The following PLCH2 variants were observed in gnomAD, a reference collection of about 807,000 sequenced individuals.
The protein encoded by PLCH2 is 1-phosphatidylinositol 4,5-bisphosphate phosphodiesterase eta-2.
PLCH2 carries 98 observed loss-of-function variants against 134.7 expected under a neutral mutation model. The observed-to-expected ratio is 0.73, with a 90% CI of 0.62 to 0.86. PLCH2 has a LOEUF of 0.86. PLCH2 is among the 40% of genes least tolerant of loss of function. PLCH2 has a pLI of 0.00. For missense variants in PLCH2, 1,994 were observed against 1,986.6 expected, an observed-to-expected ratio of 1.00 and a Z score of -0.07; for synonymous variants, 974 against 827.5, an observed-to-expected ratio of 1.18 and a Z score of -3.04.
upstream of PLCH2, among the ~76,000 whole-genome samples, chr1:2,424,793 C>T (rs924081984): frequency 1.8e-4 from 28 of 152,296 alleles, no homozygotes; most frequent in East Asian, 5.8e-4. Context: ...CGAGACCATC[C>T]TGGCTAACAC....
upstream of PLCH2, among the ~76,000 whole-genome samples, chr1:2,464,414 T>G (rs1477600506): frequency 1.3e-5 from 2 of 152,252 alleles, no homozygotes; most frequent in East Asian, 3.8e-4. Context: ...CCCCTGGGCA[T>G]GCACACGAGT....
chr1:2,480,179 C>G lies in PLCH2; in HGVS notation c.516-4C>G, dbSNP rs1430815452. ...TCGCTGTTGGCCCCTAACTCGGCAC[C>G]AAAGTGGCTGAAGCAGACGTTTGAC... On this transcript the variant is annotated splice_polypyrimidine_tract_variant and splice_region_variant and intron_variant, in intron 3 of 21. Coordinates refer to ENST00000378486, the MANE Select transcript of PLCH2 (RefSeq NM_014638.4). 3.1e-6 allele frequency: 5 copies of G among 1,612,802 alleles called. No homozygotes were observed. The South Asian group carries it at 5.5e-5, about 18-fold the overall frequency.
At chr1:2,416,136 G>A in the PLCH2 span, among the ~76,000 whole-genome samples, 3 of 152,204 alleles carry the variant, frequency 2.0e-5, no homozygotes, top group African/African-American at 7.2e-5. Flanking sequence ...CCGGAACAGG[G>A]GACTGCTGTG....
chr1:2,434,124 T>C (rs1295009339), intron 2 of PLCH2, among the ~76,000 whole-genome samples: 1 of 152,244 alleles, frequency 6.6e-6, no homozygotes, highest in African/African-American at 2.4e-5. Context: ...TGGCGTTTGA[T>C]GTATGTGCAC....
rs1476100432 is a variant in PLCH2, at chr1:2,497,015, G to A, written c.2116+5G>A. ...GGAACGCCGGCTGCCAAATGGGTGGGTGCGGGCATGGTGCGCTGGGTGTGG... is the reference window on the plus strand; with the variant it reads ...GGAACGCCGGCTGCCAAATGGGTGGATGCGGGCATGGTGCGCTGGGTGTGG... On this transcript the variant is annotated splice_donor_5th_base_variant and intron_variant, in intron 15 of 21. Transcript: ENST00000378486. 2 of 1,611,472 alleles carry A rather than the reference G, an allele frequency of 1.2e-6. No individual in the cohort carries two copies. The highest frequency in any genetic ancestry group is 1.7e-6 in the Non-Finnish European group (2 of 1,179,104).
chr1:2,463,750 C>A (rs557899087), upstream of PLCH2, among the ~76,000 whole-genome samples: 1 of 152,362 alleles, frequency 6.6e-6, no homozygotes, highest in East Asian at 1.9e-4. Context: ...CCCCGCCAGA[C>A]CGCACTGAAG....
chr1:2,490,013 T>TG (rs1393632514), intron 10 of PLCH2, 146 bp downstream of exon 10: 3 of 648,862 alleles, frequency 4.6e-6, no homozygotes, highest in African/African-American at 3.6e-5. Context: ...GCCTGGGGCC[T>TG]GGGGGGTCCT....
chr1:2,445,652 A>G (rs1639907033), intron 2 of PLCH2, among the ~76,000 whole-genome samples: 4 of 151,942 alleles, frequency 2.6e-5, no homozygotes, highest in Admixed American at 2.6e-4. Flanking sequence ...GGGGGGAGGC[A>G]GAGGAGCTGG....
chr1:2,430,505 C>G (rs1358782720), exon 2 of PLCH2: 1 of 152,198 alleles, frequency 6.6e-6, no homozygotes, highest in Non-Finnish European at 1.5e-5. Context: ...CGACAGTCCT[C>G]AGTCCCTCCA....
rs375786416 is a variant in PLCH2 at position 2,499,613 on chromosome 1, A to T, written c.2582-28A>T. On this transcript the variant is annotated intron_variant, in intron 19 of 21. Transcript: ENST00000378486. ...GGGGGCCCTGGGAGGCTGTGACCTC[A>T]TGACCCTGCTGACCCACACTGCTCC... is the stretch of plus-strand genomic sequence containing the variant. The T allele has an allele frequency of 1.0e-5, 16 of 1,556,394 alleles. No individual in the cohort carries two copies. In the African/African-American group the frequency reaches 2.2e-4, roughly 21 times the overall value.
rs544142299 is a variant in PLCH2, at chr1:2,497,828, G to A, written c.2224+219G>A. On this transcript the variant is annotated intron_variant, in intron 16 of 21. Coordinates refer to ENST00000378486, the MANE Select transcript of PLCH2 (RefSeq NM_014638.4). Reference sequence around the variant, plus strand: ...GCGTTGCAAAGAAGGGCCCAGCTCCGTCAGGAATCCAGGGATGGAGAACTG... The same window carrying A: ...GCGTTGCAAAGAAGGGCCCAGCTCCATCAGGAATCCAGGGATGGAGAACTG... 8.8e-4 allele frequency: 449 copies of A among 511,070 alleles called. 1 individual carries two copies. Among genetic ancestry groups the A allele is most frequent in the Non-Finnish European group, 1.3e-3 (360 of 284,818 alleles). The allele number at this position is 511,070 out of a possible 1,614,324, so 31.7% of individuals were successfully genotyped here. A position where few individuals can be genotyped will look rare whatever the true frequency, so the allele number is the denominator to read the frequency against.
At position 2,435,928 on chromosome 1, in the gene PLCH2, C is replaced by T. The variant is rs529717354; in HGVS notation, c.115+5299C>T. ...CCTCTGGCCAGGAAAAGAGTGAGGG[C>T]CCCTCCTCCCTTCCTCCCTCCTCTC... On this transcript the variant is annotated intron_variant, in intron 2 of 3. Coordinates refer to the PLCH2 transcript ENST00000609981. 5.3e-5 allele frequency among the ~76,000 whole-genome samples: 8 copies of T among 151,200 alleles called. No individual in the cohort carries two copies. The East Asian group carries it at 1.4e-3, about 26-fold the overall frequency.
intron 2 of PLCH2, among the ~76,000 whole-genome samples, chr1:2,434,410 G>A (rs902593673): frequency 3.3e-5 from 5 of 152,240 alleles, no homozygotes; most frequent in South Asian, 4.1e-4. Flanking sequence ...TGGCAGGGGC[G>A]TATTTCCCCC....
chr1:2,424,727 C>T (rs924000574), upstream of PLCH2, among the ~76,000 whole-genome samples: 2 of 152,072 alleles, frequency 1.3e-5, no homozygotes, highest in African/African-American at 2.4e-5. Context: ...GTGGCTCATG[C>T]CTGTAATCCC....
At chr1:2,459,631 T>TTCC (rs1640706977) in intron 2 of PLCH2, among the ~76,000 whole-genome samples, 4 of 35,034 alleles carry the variant, frequency 1.1e-4, no homozygotes, top group East Asian at 9.5e-4. Context: ...TGGTCCTCCT[T>TTCC]GCCTGTGGTC....
intron 20 of PLCH2, 52 bp from the exon 21 acceptor site, chr1:2,502,060 G>A: frequency 4.3e-6 from 6 of 1,393,748 alleles, no homozygotes; most frequent in South Asian, 3.1e-5. Flanking sequence ...GGGAGCAGCT[G>A]CAGCTGGGCT....
At chr1:2,480,740 A>G (rs532576859) in intron 4 of PLCH2, among the ~76,000 whole-genome samples, 1 of 152,318 alleles carries the variant, frequency 6.6e-6, no homozygotes, top group East Asian at 1.9e-4. Flanking sequence ...TACTTTCCCC[A>G]TGCCGCCCTC....
chr1:2,444,802 C>T lies in PLCH2; in HGVS notation c.115+14173C>T, dbSNP rs1215814154. On this transcript the variant is annotated intron_variant, in intron 2 of 3. Coordinates refer to the PLCH2 transcript ENST00000609981. The surrounding 1 kb of genome is among the most constrained non-coding windows in gnomAD (Gnocchi z 4.6). ...CCTTCTCCCTCCAGGAGAATGGACCCGATCGGTGTCCCCTTCGTCCCCTGA... is the reference window on the plus strand; with the variant it reads ...CCTTCTCCCTCCAGGAGAATGGACCTGATCGGTGTCCCCTTCGTCCCCTGA... Among the ~76,000 whole-genome samples, 1 of 151,994 alleles carries T rather than the reference C, an allele frequency of 6.6e-6. No individual in the cohort carries two copies. Among genetic ancestry groups the T allele is most frequent in the Non-Finnish European group, 1.5e-5 (1 of 67,994 alleles).
chr1:2,441,182 G>A (rs1304600569), intron 2 of PLCH2, among the ~76,000 whole-genome samples: 1 of 152,216 alleles, frequency 6.6e-6, no homozygotes. Flanking sequence ...AGCCCCTAGA[G>A]GGCCGGGGGA....
Sources: allele counts gnomAD v4.1 joint callset (sites outside exome capture counted in the v4.1 genomes callset), GRCh38; gene constraint gnomAD v4.1.1; non-coding constraint Gnocchi (gnomAD v3.1); transcripts MANE v1.5; gene names NCBI Gene and HGNC (gene_info 2026-07-23, HGNC 2026-07-21).